EIF4EBP3: variants seen among roughly 807,000 people sequenced by gnomAD.
The protein encoded by EIF4EBP3 is eukaryotic translation initiation factor 4E-binding protein 3.
EIF4EBP3 carries 11 observed loss-of-function variants against 12.1 expected under a neutral mutation model. The observed-to-expected ratio is 0.91, with a 90% confidence interval of 0.57 to 1.51. The LOEUF (loss-of-function observed/expected upper bound fraction) is 1.51, where lower values mean the gene tolerates loss of function less well. EIF4EBP3 is among the 40% of genes most tolerant of loss of function. EIF4EBP3 has a pLI of 0.00. For synonymous variants in EIF4EBP3, 43 were observed against 54.2 expected, an observed-to-expected ratio of 0.79 and a Z score of 0.91; for missense variants, 136 against 131.8, an observed-to-expected ratio of 1.03 and a Z score of -0.16.
chr5:140,547,694 GA>G lies in EIF4EBP3; in HGVS notation c.-43del. On this transcript the variant is annotated 5_prime_UTR_variant, in exon 1 of 3. Coordinates refer to ENST00000310331, the MANE Select transcript of EIF4EBP3 (RefSeq NM_003732.3). ...CCTCAGACTCAGAGCTGCGCTCCTC[GA>G]CCTCAACGCCAGGCGGTTACTTTGC... is the stretch of plus-strand genomic sequence containing the variant. 2 of 1,517,786 alleles carry G rather than the reference GA, an allele frequency of 1.3e-6. No homozygotes were observed. The highest frequency in any genetic ancestry group is 1.2e-5 in the South Asian group (1 of 83,022). The allele number at this position is 1,517,786 out of a possible 1,614,324, so 94.0% of individuals were successfully genotyped here.
intron 1 of EIF4EBP3, 36 bp from the exon 2 acceptor site, chr5:140,548,870 C>T: frequency 1.3e-6 from 2 of 1,590,658 alleles, no homozygotes; most frequent in African/African-American, 1.3e-5. Flanking sequence ...GGTACCCAAG[C>T]TCCTGACTCT....
intron 1 of EIF4EBP3, among the ~76,000 whole-genome samples, chr5:140,548,291 T>C (rs1186129466): frequency 1.3e-5 from 2 of 152,082 alleles, no homozygotes; most frequent in Non-Finnish European, 2.9e-5. Context: ...GCTGCTGGGC[T>C]CCCGACCCAG....
rs1754473893 is a variant in EIF4EBP3, at chr5:140,549,357, C to T, written c.*95C>T. 5.0e-6 allele frequency: 8 copies of T among 1,602,102 alleles called. No homozygotes were observed. The highest frequency in any genetic ancestry group is 6.8e-6 in the Non-Finnish European group (8 of 1,169,784). ...CCTGGGGCATCCAAAGGCCAGCTGG[C>T]CTCATCTAATCTGGAAGGGAGTGAC... On this transcript the variant is annotated 3_prime_UTR_variant, in exon 3 of 3. Coordinates refer to ENST00000310331, the MANE Select transcript of EIF4EBP3 (RefSeq NM_003732.3).
At chr5:140,549,195 C>CA in intron 2 of EIF4EBP3, 39 bp from the exon 3 acceptor site, 1 of 1,614,230 alleles carries the variant, frequency 6.2e-7, no homozygotes, top group Non-Finnish European at 8.5e-7. Context: ...TGCAGATCCT[C>CA]AGACCAGCAA....
chr5:140,549,333 C>CT lies in EIF4EBP3; in HGVS notation c.*72dup. On this transcript the variant is annotated 3_prime_UTR_variant, in exon 3 of 3. Coordinates refer to ENST00000310331, the MANE Select transcript of EIF4EBP3 (RefSeq NM_003732.3). ...ATGCCACTGCTGCCACCACCTCTTC[C>CT]TGGGGCATCCAAAGGCCAGCTGGCC... 1 of 1,613,224 alleles carries CT rather than the reference C, an allele frequency of 6.2e-7. No homozygotes were observed. Among genetic ancestry groups the CT allele is most frequent in the Non-Finnish European group, 8.5e-7 (1 of 1,179,314 alleles).
Position 140,549,378 on chromosome 5 carries a change from G to A in EIF4EBP3, c.*116G>A, listed in dbSNP as rs1754475370. ...CTGGCCTCATCTAATCTGGAAGGGAGTGACTTGTTAGTTCCAGGCCTCCTT... is the reference window on the plus strand; with the variant it reads ...CTGGCCTCATCTAATCTGGAAGGGAATGACTTGTTAGTTCCAGGCCTCCTT... On this transcript the variant is annotated 3_prime_UTR_variant, in exon 3 of 3. Transcript: ENST00000310331. 1 of 1,568,926 alleles carries A rather than the reference G, an allele frequency of 6.4e-7. No individual in the cohort carries two copies. The highest frequency in any genetic ancestry group is 1.4e-5 in the African/African-American group (1 of 73,874).
intron 1 of EIF4EBP3, among the ~76,000 whole-genome samples, 174 bp downstream of exon 1, chr5:140,548,014 T>G (rs369934971): frequency 3.3e-5 from 5 of 152,244 alleles, no homozygotes; most frequent in East Asian, 3.9e-4. Context: ...AACTTCTAAG[T>G]GATGCAACAA....
chr5:140,547,909 G>A, intron 1 of EIF4EBP3, 69 bp downstream of exon 1: 1 of 1,273,290 alleles, frequency 7.9e-7, no homozygotes, highest in Non-Finnish European at 1.0e-6. Context: ...GCGGGGCGGG[G>A]GTAGGGGAGG....
intron 1 of EIF4EBP3, 103 bp downstream of exon 1, chr5:140,547,943 G>A (rs990117524): frequency 2.1e-6 from 2 of 954,692 alleles, no homozygotes; most frequent in African/African-American, 3.5e-5. Flanking sequence ...CTTGTCCGCA[G>A]GCCCCTCTAC....
intron 1 of EIF4EBP3, 104 bp downstream of exon 1, chr5:140,547,944 G>C (rs914542165): frequency 1.1e-6 from 1 of 933,780 alleles, no homozygotes; most frequent in Non-Finnish European, 1.5e-6. Context: ...TTGTCCGCAG[G>C]CCCCTCTACA....
At position 140,547,776 on chromosome 5, in the gene EIF4EBP3, G is replaced by C. The variant is rs1323164621; in HGVS notation, c.39G>C (p.Arg13=). 6.5e-7 allele frequency: 1 copy of C among 1,541,540 alleles called. No individual in the cohort carries two copies. The highest frequency in any genetic ancestry group is 2.0e-5 in the Admixed American group (1 of 50,156). ...CTAGCTGCCCGATTCCCGGGGGCCG[G>C]GACCAGCTGCCCGACTGCTACAGCA... is the stretch of plus-strand genomic sequence containing the variant. ...TSTSCPIPGG[R]DQLPDCYSTT... The change falls in exon 1 of 3, where the codon CGG becomes CGC. Residue 13 remains arginine, a synonymous_variant. Transcript: ENST00000310331.
Position 140,547,672 on chromosome 5 carries a change from C to T in EIF4EBP3, c.-66C>T. 7.0e-7 allele frequency: 1 copy of T among 1,420,404 alleles called. No individual in the cohort carries two copies. The highest frequency in any genetic ancestry group is 9.6e-7 in the Non-Finnish European group (1 of 1,038,544). The allele number at this position is 1,420,404 out of a possible 1,614,324, so 88.0% of individuals were successfully genotyped here. On this transcript the variant is annotated 5_prime_UTR_variant, in exon 1 of 3. Coordinates refer to ENST00000310331, the MANE Select transcript of EIF4EBP3 (RefSeq NM_003732.3). ...TGCACGTGGTCGGCTGAGTCCGCCT[C>T]AGACTCAGAGCTGCGCTCCTCGACC...
At chr5:140,547,919 G>A (rs1353755631) in intron 1 of EIF4EBP3, 79 bp downstream of exon 1, 7 of 1,192,786 alleles carry the variant, frequency 5.9e-6, no homozygotes, top group Non-Finnish European at 6.7e-6. Flanking sequence ...GGTAGGGGAG[G>A]GACAGACCTA....
chr5:140,547,734 C>T lies in EIF4EBP3; in HGVS notation c.-4C>T, dbSNP rs544983486. 11 of 1,546,154 alleles carry T rather than the reference C, an allele frequency of 7.1e-6. No individual in the cohort carries two copies. The East Asian group carries it at 2.7e-4, about 39-fold the overall frequency. ...CGGTTACTTTGCTGCTCCTCCCGCT[C>T]GCTATGTCAACGTCCACTAGCTGCC... On this transcript the variant is annotated 5_prime_UTR_variant, in exon 1 of 3. Transcript: ENST00000310331.
chr5:140,548,820 C>G, intron 1 of EIF4EBP3, 86 bp from the exon 2 acceptor site: 1 of 1,514,766 alleles, frequency 6.6e-7, no homozygotes, highest in East Asian at 2.3e-5. Flanking sequence ...CCCTCACCTC[C>G]AGGCCCCAAA....
chr5:140,549,347 G>A lies in EIF4EBP3; in HGVS notation c.*85G>A. The A allele has an allele frequency of 6.2e-7, 1 of 1,608,772 alleles. No individual in the cohort carries two copies. The highest frequency in any genetic ancestry group is 8.5e-7 in the Non-Finnish European group (1 of 1,175,528). On this transcript the variant is annotated 3_prime_UTR_variant, in exon 3 of 3. Transcript: ENST00000310331. ...ACCACCTCTTCCTGGGGCATCCAAA[G>A]GCCAGCTGGCCTCATCTAATCTGGA...
At position 140,549,092 on chromosome 5, in the gene EIF4EBP3, A is replaced by G. The variant is rs576534672; in HGVS notation, c.274+16A>G. 4 of 1,613,912 alleles carry G rather than the reference A, an allele frequency of 2.5e-6. No homozygotes were observed. Among genetic ancestry groups the G allele is most frequent in the African/African-American group, 2.7e-5 (2 of 74,932 alleles). On this transcript the variant is annotated intron_variant, in intron 2 of 2. Transcript: ENST00000310331. Reference sequence around the variant, plus strand: ...GAGATACCCGGTAAGGAAAGCAGGAATTAAGAATTGTCCCAGCCTTTGAGT... The same window carrying G: ...GAGATACCCGGTAAGGAAAGCAGGAGTTAAGAATTGTCCCAGCCTTTGAGT...
intron 1 of EIF4EBP3, among the ~76,000 whole-genome samples, chr5:140,548,096 C>G (rs1397495048): frequency 6.6e-6 from 1 of 152,238 alleles, no homozygotes; most frequent in East Asian, 1.9e-4. Context: ...GAGCCTTACA[C>G]ACGCTCCTTA....
rs532829787 is a variant in EIF4EBP3 at position 140,547,666 on chromosome 5, C to T, written c.-72C>T. The stretch of plus-strand genomic sequence containing the variant: ...AGCAGCTGCACGTGGTCGGCTGAGT[C>T]CGCCTCAGACTCAGAGCTGCGCTCC... On this transcript the variant is annotated 5_prime_UTR_variant, in exon 1 of 3. Transcript: ENST00000310331. 17 of 1,369,328 alleles carry T rather than the reference C, an allele frequency of 1.2e-5. No individual in the cohort carries two copies. The South Asian group carries it at 1.3e-4, about 10-fold the overall frequency. The allele number at this position is 1,369,328 out of a possible 1,614,324, so 84.8% of individuals were successfully genotyped here.
Sources: allele counts gnomAD v4.1 joint callset (sites outside exome capture counted in the v4.1 genomes callset), GRCh38; gene constraint gnomAD v4.1.1; transcripts MANE v1.5; gene names NCBI Gene and HGNC (gene_info 2026-07-23, HGNC 2026-07-21).